Variants in PTPRD observed in about 807,000 individuals in gnomAD.
PTPRD encodes receptor-type tyrosine-protein phosphatase delta.
Under a neutral mutation model 214.5 loss-of-function variants are expected in PTPRD, and 34 were observed. The observed-to-expected ratio is 0.16, with a 90% CI of 0.12 to 0.21. The LOEUF is 0.21. Among genes scored for constraint, PTPRD ranks in the 10% least tolerant of loss-of-function variants. The pLI is 1.00. For missense variants in PTPRD, 2,545 were observed against 2,398.7 expected (o/e 1.06, Z -1.27); for synonymous variants, 1,128 against 845.7 (o/e 1.33, Z -5.79).
intron 3 of PTPRD, among the ~76,000 whole-genome samples, chr9:10,050,879 A>C (rs1272107630): frequency 2.0e-5 from 3 of 152,150 alleles, no homozygotes; most frequent in Non-Finnish European, 4.4e-5. Context: ...ACTATCTATT[A>C]GAAAATTACA....
chr9:9,741,597 C>T (rs902971645), intron 6 of PTPRD, among the ~76,000 whole-genome samples: 1 of 152,086 alleles, frequency 6.6e-6, no homozygotes, highest in Non-Finnish European at 1.5e-5. Context: ...TAATGCTATC[C>T]CTCCCATAGT....
chr9:9,127,923 C>T (rs2099836562), intron 10 of PTPRD, among the ~76,000 whole-genome samples: 2 of 152,204 alleles, frequency 1.3e-5, no homozygotes, highest in Non-Finnish European at 1.5e-5. Context: ...ACTAGAATAT[C>T]TGGTCTACAA....
chr9:9,455,175 G>T (rs1259086951), intron 8 of PTPRD, among the ~76,000 whole-genome samples: 1 of 151,600 alleles, frequency 6.6e-6, no homozygotes, highest in Non-Finnish European at 1.5e-5. Context: ...TGGTTATTCT[G>T]CAGTTGATAT....
At chr9:9,402,038 T>A (rs1043541327) in intron 8 of PTPRD, among the ~76,000 whole-genome samples, 7 of 152,062 alleles carry the variant, frequency 4.6e-5, no homozygotes, top group South Asian at 2.1e-4. Context: ...TAATTGTGAG[T>A]TCTTCGTGTT....
At chr9:9,342,891 G>A (rs1032769001) in intron 9 of PTPRD, among the ~76,000 whole-genome samples, 1 of 151,866 alleles carries the variant, frequency 6.6e-6, no homozygotes, top group Non-Finnish European at 1.5e-5. Flanking sequence ...GCCCCAGTGT[G>A]TGATGTTCTC....
At chr9:9,845,902 T>G (rs994797572) in intron 5 of PTPRD, among the ~76,000 whole-genome samples, 22 of 152,004 alleles carry the variant, frequency 1.4e-4, no homozygotes, top group Non-Finnish European at 3.1e-4. Context: ...AGGAAGTTAA[T>G]GACATACACC....
At chr9:9,862,989 G>C (rs1441033171) in intron 5 of PTPRD, among the ~76,000 whole-genome samples, 1 of 152,032 alleles carries the variant, frequency 6.6e-6, no homozygotes, top group Non-Finnish European at 1.5e-5. Flanking sequence ...AATAATATAG[G>C]AGACTTAAGA....
chr9:9,535,665 A>G (rs2076361471), intron 8 of PTPRD, among the ~76,000 whole-genome samples: 1 of 152,092 alleles, frequency 6.6e-6, no homozygotes, highest in Non-Finnish European at 1.5e-5. Flanking sequence ...TATTACATCC[A>G]TTAGAGTTTA....
chr9:10,473,879 T>C (rs180863841), intron 2 of PTPRD, among the ~76,000 whole-genome samples: 28 of 152,170 alleles, frequency 1.8e-4, no homozygotes, highest in Non-Finnish European at 3.7e-4. Context: ...ATGTTGATGA[T>C]TCAGTGCAAA....
chr9:9,751,138 C>A (rs1564974503), intron 6 of PTPRD, among the ~76,000 whole-genome samples: 1 of 151,974 alleles, frequency 6.6e-6, no homozygotes, highest in Admixed American at 6.6e-5. Flanking sequence ...AAAATTGCTC[C>A]TAGGTGCTAT....
At position 10,552,137 on chromosome 9, in the gene PTPRD, G is replaced by A. The variant is rs185471893; in HGVS notation, c.-600+60261C>T. The stretch of plus-strand genomic sequence containing the variant: ...GTACAATTTTGCAGTCATTTCAAGA[G>A]GTTCATCCTCCTATTCACACTGTTA... On this transcript the variant is annotated intron_variant, in intron 2 of 45. Coordinates refer to ENST00000381196, the MANE Select transcript of PTPRD (RefSeq NM_002839.4). Among the ~76,000 whole-genome samples the A allele has an allele frequency of 1.5e-3, 227 of 152,226 alleles. 5 individuals are homozygous for A. Among genetic ancestry groups the A allele is most frequent in the African/African-American group, 1.0e-3 (43 of 41,546 alleles).
chr9:8,710,389 G>T (rs571647860), intron 12 of PTPRD, among the ~76,000 whole-genome samples: 2 of 152,308 alleles, frequency 1.3e-5, no homozygotes, highest in South Asian at 4.1e-4. Flanking sequence ...AGCCAAGGCG[G>T]TGGGTCACTT....
chr9:10,065,599 T>C (rs183746008), intron 3 of PTPRD, among the ~76,000 whole-genome samples: 1 of 152,046 alleles, frequency 6.6e-6, no homozygotes, highest in Admixed American at 6.6e-5. Context: ...TGAAAGGAAA[T>C]GTTCTTTTAA....
intron 2 of PTPRD, among the ~76,000 whole-genome samples, chr9:10,495,522 T>C (rs956941672): frequency 2.0e-5 from 3 of 151,930 alleles, no homozygotes; most frequent in African/African-American, 7.2e-5. Context: ...CTGATAATAA[T>C]GTCTGATAAC....
intron 3 of PTPRD, among the ~76,000 whole-genome samples, chr9:10,118,413 C>A (rs1014797949): frequency 9.9e-5 from 15 of 151,442 alleles, no homozygotes; most frequent in African/African-American, 3.4e-4. Flanking sequence ...CATAAAAGCA[C>A]CTAGTTTAAA....
At chr9:8,332,859 T>C (rs1281497575) in intron 43 of PTPRD, among the ~76,000 whole-genome samples, 1 of 152,188 alleles carries the variant, frequency 6.6e-6, no homozygotes, top group Admixed American at 6.5e-5. Context: ...CTCTTCTCAT[T>C]AAAGAGCCTT....
At chr9:8,354,947 T>A (rs1421736438) in intron 39 of PTPRD, among the ~76,000 whole-genome samples, 1 of 152,122 alleles carries the variant, frequency 6.6e-6, no homozygotes. Context: ...GAAAAATAAA[T>A]GAATTAAGTG....
At chr9:10,491,615 T>G (rs1319432648) in intron 2 of PTPRD, among the ~76,000 whole-genome samples, 1 of 151,182 alleles carries the variant, frequency 6.6e-6, no homozygotes, top group Non-Finnish European at 1.5e-5. Context: ...TACAACTAGA[T>G]AAAAAAAAAT....
chr9:8,608,479 G>A (rs753112212), intron 14 of PTPRD, among the ~76,000 whole-genome samples: 8 of 152,046 alleles, frequency 5.3e-5, no homozygotes, highest in Non-Finnish European at 7.4e-5. Flanking sequence ...CCAGCAGAGC[G>A]CTCAAATCTA....
Sources: gnomAD v4.1 joint callset for allele counts (sites outside exome capture counted in the v4.1 genomes callset) on GRCh38, gnomAD v4.1.1 for gene constraint, MANE v1.5 for transcripts, NCBI Gene and HGNC (gene_info 2026-07-23, HGNC 2026-07-21) for gene names.